The following CALHM4 variants were observed in gnomAD, a reference collection of about 807,000 sequenced individuals.
CALHM4 encodes the protein calcium homeostasis modulator family member 4, also known as calcium homeostasis modulator protein 4.
CALHM4 carries 16 observed loss-of-function variants against 13.3 expected under a neutral mutation model. The ratio of observed to expected loss-of-function variants is 1.20; its 90% confidence interval spans 0.81 to 1.82. The LOEUF (loss-of-function observed/expected upper bound fraction) is 1.82, where lower values mean the gene tolerates loss of function less well. Ranked by LOEUF, CALHM4 falls within the 40% of genes most tolerant of loss-of-function variation. The probability of loss-of-function intolerance (pLI) is 0.00; values close to 1 mark genes in which losing one functional copy is unlikely to be tolerated. For synonymous variants in CALHM4, 127 were observed against 137.1 expected (o/e 0.93, Z 0.52); for missense variants, 344 against 374.9 (o/e 0.92, Z 0.68).
chr6:116,551,137 TCCC>T (rs999438006), upstream of CALHM4, among the ~76,000 whole-genome samples: 2 of 152,162 alleles, frequency 1.3e-5, no homozygotes, highest in Admixed American at 1.3e-4. Flanking sequence ...CTTCCTTCTG[TCCC>T]CTGACCAAAC....
chr6:116,537,712 C>T (rs1034804637), intron 1 of CALHM4, among the ~76,000 whole-genome samples: 1 of 152,166 alleles, frequency 6.6e-6, no homozygotes, highest in African/African-American at 2.4e-5. Flanking sequence ...GAGGAGCATT[C>T]GCAGGCTACC....
At chr6:116,536,347 A>G (rs1773092429) in intron 1 of CALHM4, among the ~76,000 whole-genome samples, 1 of 152,152 alleles carries the variant, frequency 6.6e-6, no homozygotes, top group South Asian at 2.1e-4. Context: ...TAAGTCTACT[A>G]CTTGTTAAAA....
At chr6:116,540,414 G>C (rs777043797) in intron 1 of CALHM4, 2 of 1,551,324 alleles carry the variant, frequency 1.3e-6, no homozygotes, top group South Asian at 2.4e-5. Flanking sequence ...TTCCCACGCA[G>C]GATCGAGCCA....
At chr6:116,554,514 G>C (rs1175410893) in intron 1 of CALHM4, among the ~76,000 whole-genome samples, 163 bp downstream of exon 1, 2 of 152,048 alleles carry the variant, frequency 1.3e-5, no homozygotes, top group African/African-American at 4.8e-5. Flanking sequence ...TATATAGTTA[G>C]GATGTTGGGC....
In CALHM4 at chr6:116,540,445, G is replaced by A. The variant is rs1416406707; in HGVS notation, c.-108-3320G>A. ...AGCCAAAAAGTCTTCCACAAGCCGC[G>A]TTCCAATGCCGTAACCCCTGTGGAT... is the stretch of plus-strand genomic sequence containing the variant. On this transcript the variant is annotated intron_variant, in intron 1 of 2. Coordinates refer to the CALHM4 transcript ENST00000368597. The A allele has an allele frequency of 5.8e-6, 9 of 1,551,148 alleles. No homozygotes were observed. The highest frequency in any genetic ancestry group is 2.4e-5 in the South Asian group (2 of 84,060).
chr6:116,557,030 T>A (rs951174702), intron 1 of CALHM4, among the ~76,000 whole-genome samples: 5 of 150,976 alleles, frequency 3.3e-5, no homozygotes, highest in African/African-American at 1.2e-4. Context: ...TTCTGCCTTC[T>A]GGGTTCAAGA....
chr6:116,542,485 C>T (rs529451519), intron 1 of CALHM4, among the ~76,000 whole-genome samples: 1 of 152,086 alleles, frequency 6.6e-6, no homozygotes, highest in African/African-American at 2.4e-5. Context: ...TAAATTTCCC[C>T]TTCAATCTGC....
chr6:116,536,975 G>C (rs1024416421), intron 1 of CALHM4, among the ~76,000 whole-genome samples: 2 of 152,198 alleles, frequency 1.3e-5, no homozygotes, highest in African/African-American at 4.8e-5. Context: ...GCTTCAGTGG[G>C]CAGGTCCATA....
chr6:116,550,601 T>A (rs1774034653), upstream of CALHM4, among the ~76,000 whole-genome samples: 1 of 152,196 alleles, frequency 6.6e-6, no homozygotes. Context: ...TATTGATGTA[T>A]TTAGTCCCAT....
intron 1 of CALHM4, among the ~76,000 whole-genome samples, chr6:116,533,385 C>A (rs1772861088): frequency 6.6e-6 from 1 of 152,160 alleles, no homozygotes; most frequent in South Asian, 2.1e-4. Flanking sequence ...TGCTCTTCAG[C>A]CTATTTTGTG....
At chr6:116,530,832 A>T (rs902630243) in intron 1 of CALHM4, among the ~76,000 whole-genome samples, 5 of 150,176 alleles carry the variant, frequency 3.3e-5, no homozygotes, top group Non-Finnish European at 7.4e-5. Flanking sequence ...GCTCTGAAAC[A>T]AAGAAAAACA....
intron 1 of CALHM4, among the ~76,000 whole-genome samples, chr6:116,531,540 G>T (rs1310113142): frequency 1.3e-5 from 2 of 152,090 alleles, no homozygotes; most frequent in Admixed American, 1.3e-4. Context: ...TTCCCATTTT[G>T]GTTCTTTCAT....
chr6:116,552,954 G>C (rs2115284599), upstream of CALHM4, among the ~76,000 whole-genome samples: 1 of 152,176 alleles, frequency 6.6e-6, no homozygotes, highest in Non-Finnish European at 1.5e-5. Context: ...GGCGCCTGTA[G>C]TCCCAGCTAC....
At position 116,554,631 on chromosome 6, in the gene CALHM4, T is replaced by C. The variant is rs185549377; in HGVS notation, c.558+280T>C. ...TGGCACCTACCACATGGGGCTGCTG[T>C]GGGGAATACATTACCAATATATCTG... On this transcript the variant is annotated intron_variant, in intron 1 of 1. Coordinates refer to ENST00000368596, the MANE Select transcript of CALHM4 (RefSeq NM_001366078.2). 2.1e-3 allele frequency among the ~76,000 whole-genome samples: 318 copies of C among 152,310 alleles called. 1 individual carries two copies. Among genetic ancestry groups the C allele is most frequent in the Non-Finnish European group, 3.6e-3 (242 of 68,028 alleles).
intron 2 of CALHM4, chr6:116,545,755 T>G: frequency 2.9e-6 from 1 of 350,712 alleles, no homozygotes; most frequent in East Asian, 4.3e-5. Flanking sequence ...ACTGCTTCAT[T>G]TGTAAGGATG....
At chr6:116,530,942 T>TATATAC (rs1327783259) in intron 1 of CALHM4, among the ~76,000 whole-genome samples, 2 of 137,320 alleles carry the variant, frequency 1.5e-5, no homozygotes, top group African/African-American at 5.3e-5. Flanking sequence ...TATATATATA[T>TATATAC]ATGTTACTAA....
At chr6:116,549,477 G>A (rs972156582), upstream of CALHM4, among the ~76,000 whole-genome samples, 5 of 152,102 alleles carry the variant, frequency 3.3e-5, no homozygotes, top group African/African-American at 7.2e-5. Flanking sequence ...GGCATTTAGC[G>A]TATCCATCAT....
intron 1 of CALHM4, chr6:116,540,325 T>A: frequency 6.5e-7 from 1 of 1,535,812 alleles, no homozygotes; most frequent in South Asian, 1.2e-5. Flanking sequence ...AATCAGAGAT[T>A]TTTCAAAACA....
chr6:116,553,936 AT>A lies in CALHM4; in HGVS notation c.146del (p.Phe49SerfsTer13), dbSNP rs766514867. On this transcript the variant is annotated frameshift_variant, in exon 1 of 2. Transcript: ENST00000368596. LOFTEE classifies it high-confidence loss of function. Reference sequence around the variant, plus strand: ...AGCTGTCCTTGTCAGGTTGGAAAAAATTTCTATTATGGTTCTGCTTTTCTTG... The same window carrying A: ...AGCTGTCCTTGTCAGGTTGGAAAAAATTCTATTATGGTTCTGCTTTTCTTG... ...TFSCPCQVGK[N>X]FYYGSAFLVI... is the part of the protein sequence containing the mutation. 1 of 1,550,578 alleles carries A rather than the reference AT, an allele frequency of 6.4e-7. No homozygotes were observed. The highest frequency in any genetic ancestry group is 1.2e-5 in the South Asian group (1 of 84,054).
Sources: allele counts gnomAD v4.1 joint callset (sites outside exome capture counted in the v4.1 genomes callset), GRCh38; gene constraint gnomAD v4.1.1; transcripts MANE v1.5; gene names NCBI Gene and HGNC (gene_info 2026-07-23, HGNC 2026-07-21).